NTM: variants seen among roughly 807,000 people sequenced by gnomAD.
NTM encodes the protein IgLON family member 2.
A neutral mutation model predicts 42.1 loss-of-function variants in NTM; 13 were observed. The observed-to-expected ratio is 0.31, with a 90% CI of 0.20 to 0.49. NTM has a LOEUF of 0.49. Ranked by LOEUF, NTM falls within the 20% of genes least tolerant of loss-of-function variation. NTM has a pLI of 0.99. For missense variants in NTM, 373 were observed against 452.8 expected (o/e 0.82, Z 1.60); for synonymous variants, 187 against 179.2 (o/e 1.04, Z -0.35).
At chr11:131,431,209 G>A (rs1443571073) in intron 1 of NTM, among the ~76,000 whole-genome samples, 2 of 151,826 alleles carry the variant, frequency 1.3e-5, no homozygotes, top group Admixed American at 1.3e-4. Flanking sequence ...TCTCTCATTC[G>A]GGTGTCTTGT....
At chr11:131,965,207 T>C (rs1277346685) in intron 2 of NTM, among the ~76,000 whole-genome samples, 1 of 151,944 alleles carries the variant, frequency 6.6e-6, no homozygotes, top group African/African-American at 2.4e-5. Context: ...GAGGAACATA[T>C]ACAGAAGCCA....
At chr11:131,960,783 C>T (rs779934600) in intron 2 of NTM, among the ~76,000 whole-genome samples, 32 of 152,148 alleles carry the variant, frequency 2.1e-4, no homozygotes, top group African/African-American at 4.1e-4. Context: ...GGTTTTGGTC[C>T]GTACTCTGCA....
chr11:131,791,155 T>C (rs1056592841), intron 1 of NTM, among the ~76,000 whole-genome samples: 2 of 152,198 alleles, frequency 1.3e-5, no homozygotes, highest in Non-Finnish European at 2.9e-5. Context: ...TGCATAATCA[T>C]TTTAACAAGC....
At chr11:131,916,223 AG>A (rs1378279788) in intron 2 of NTM, among the ~76,000 whole-genome samples, 2 of 152,240 alleles carry the variant, frequency 1.3e-5, no homozygotes, top group African/African-American at 4.8e-5. Context: ...GAGGAATCAG[AG>A]AGCCCCAGAA....
At chr11:131,760,115 G>A (rs1023061685) in intron 1 of NTM, among the ~76,000 whole-genome samples, 5 of 152,114 alleles carry the variant, frequency 3.3e-5, no homozygotes, top group African/African-American at 1.2e-4. Context: ...AAATTAATTA[G>A]GCTAATTAGA....
chr11:131,723,938 C>T (rs910942338), intron 1 of NTM, among the ~76,000 whole-genome samples: 1 of 152,114 alleles, frequency 6.6e-6, no homozygotes, highest in Non-Finnish European at 1.5e-5. Context: ...GGCCTAGAGG[C>T]CAATGTAATT....
chr11:131,891,019 A>T (rs970205267), intron 1 of NTM, among the ~76,000 whole-genome samples: 6 of 152,150 alleles, frequency 3.9e-5, no homozygotes, highest in African/African-American at 1.4e-4. Flanking sequence ...TGTTTAGACT[A>T]TGTCAGCTCT....
intron 1 of NTM, among the ~76,000 whole-genome samples, chr11:131,433,758 G>C (rs1304075117): frequency 1.3e-5 from 2 of 151,862 alleles, no homozygotes; most frequent in Non-Finnish European, 2.9e-5. Context: ...TTTTATCCCT[G>C]CTATTTTGGA....
At position 131,825,182 on chromosome 11, in the gene NTM, A is replaced by G. The variant is rs553010699; in HGVS notation, c.83-86382A>G. 3.9e-5 allele frequency among the ~76,000 whole-genome samples: 6 copies of G among 152,184 alleles called. No homozygotes were observed. The East Asian group carries it at 9.7e-4, about 25-fold the overall frequency. On this transcript the variant is annotated intron_variant, in intron 1 of 8. Coordinates refer to ENST00000683400, the MANE Select transcript of NTM (RefSeq NM_001352005.2). Reference sequence around the variant, plus strand: ...ATGCTTCATCCCAATCTCTGCCTTCATCTTCACAAGGTGTTCTTGTATGCA... The same window carrying G: ...ATGCTTCATCCCAATCTCTGCCTTCGTCTTCACAAGGTGTTCTTGTATGCA...
intron 2 of NTM, among the ~76,000 whole-genome samples, chr11:132,081,113 G>A (rs544462487): frequency 4.6e-5 from 7 of 152,356 alleles, no homozygotes; most frequent in Non-Finnish European, 8.8e-5. Context: ...AAATGAGGAA[G>A]AGTTCACTGT....
At chr11:131,607,594 G>T (rs534409275) in intron 1 of NTM, among the ~76,000 whole-genome samples, 2 of 152,274 alleles carry the variant, frequency 1.3e-5, no homozygotes, top group East Asian at 1.9e-4. Flanking sequence ...AGAGCTTGGG[G>T]TCAGGGTTAG....
chr11:131,486,705 A>G lies in NTM; in HGVS notation c.82+115817A>G, dbSNP rs149050126. ...ATGGTCAAGGTGAACATCTCCCATC[A>G]CCCTGGCAGCCTGTCACCTTCTTCC... On this transcript the variant is annotated intron_variant, in intron 1 of 8. Transcript: ENST00000683400. Among the ~76,000 whole-genome samples, 86 of 152,144 alleles carry G rather than the reference A, an allele frequency of 5.7e-4. No homozygotes were observed. The East Asian group carries it at 0.016, about 29-fold the overall frequency.
chr11:132,250,563 ATTC>A (rs2091824585), intron 4 of NTM, among the ~76,000 whole-genome samples: 1 of 149,866 alleles, frequency 6.7e-6, no homozygotes, highest in Admixed American at 6.6e-5. Context: ...ATTGTTTGGC[ATTC>A]TTCATCTCTT....
chr11:131,897,759 T>C (rs1445282082), intron 1 of NTM, among the ~76,000 whole-genome samples: 1 of 152,214 alleles, frequency 6.6e-6, no homozygotes, highest in African/African-American at 2.4e-5. Flanking sequence ...CATCCACTTT[T>C]TTTGTTTGCT....
At chr11:131,929,522 G>A (rs1319781160) in intron 2 of NTM, among the ~76,000 whole-genome samples, 2 of 149,888 alleles carry the variant, frequency 1.3e-5, no homozygotes, top group African/African-American at 2.5e-5. Context: ...TTTTGTATAC[G>A]GCAAAGGCTG....
intron 1 of NTM, among the ~76,000 whole-genome samples, chr11:131,499,638 A>T (rs2046479204): frequency 6.6e-6 from 1 of 151,806 alleles, no homozygotes; most frequent in South Asian, 2.1e-4. Context: ...AAATATCCCT[A>T]ACTCGTCCCC....
In NTM at chr11:131,728,486, T is replaced by A. The variant is rs143451399; in HGVS notation, c.83-183078T>A. Among the ~76,000 whole-genome samples, 1,079 of 152,328 alleles carry A rather than the reference T, an allele frequency of 7.1e-3. 9 individuals are homozygous for A. Among genetic ancestry groups the A allele is most frequent in the Middle Eastern group, 0.024 (7 of 294 alleles). Reference sequence around the variant, plus strand: ...ATGGAGATACCATTCCCTCCCTGGGTGATCCACCCTCCAGGAACATATCCA... The same window carrying A: ...ATGGAGATACCATTCCCTCCCTGGGAGATCCACCCTCCAGGAACATATCCA... On this transcript the variant is annotated intron_variant, in intron 1 of 8. Transcript: ENST00000683400.
intron 7 of NTM, 112 bp downstream of exon 7, chr11:132,314,815 C>T (rs2095380549): frequency 1.5e-6 from 2 of 1,376,200 alleles, no homozygotes; most frequent in Non-Finnish European, 9.4e-7. Flanking sequence ...TATCAGTGGA[C>T]ATGGAGAGGG....
At chr11:132,229,354 C>A (rs967786463) in intron 4 of NTM, among the ~76,000 whole-genome samples, 11 of 152,178 alleles carry the variant, frequency 7.2e-5, no homozygotes, top group African/African-American at 2.7e-4. Flanking sequence ...AACCAGGCAA[C>A]CTGGTTCCAG....
Sources: allele counts gnomAD v4.1 joint callset (sites outside exome capture counted in the v4.1 genomes callset), GRCh38; gene constraint gnomAD v4.1.1; transcripts MANE v1.5; gene names NCBI Gene and HGNC (gene_info 2026-07-23, HGNC 2026-07-21).